The following RAP1GAP variants were observed in gnomAD, a reference collection of about 807,000 sequenced individuals.
RAP1GAP encodes RAP1 GTPase activating protein.
Under a neutral mutation model 87.2 loss-of-function variants are expected in RAP1GAP, and 35 were observed. The ratio of observed to expected loss-of-function variants is 0.40; its 90% CI spans 0.31 to 0.53. The LOEUF (loss-of-function observed/expected upper bound fraction) is 0.53. RAP1GAP is among the 20% of genes least tolerant of loss of function. The probability of loss-of-function intolerance (pLI) is 0.48; values close to 1 mark genes in which losing one functional copy is unlikely to be tolerated. For missense variants in RAP1GAP, 734 were observed against 898.9 expected (o/e 0.82, Z 2.35); for synonymous variants, 375 against 363.9 (o/e 1.03, Z -0.35).
At position 21,622,209 on chromosome 1, in the gene RAP1GAP, G is replaced by A; in HGVS notation, c.-18-2159C>T. On this transcript the variant is annotated intron_variant, in intron 3 of 24. Transcript: ENST00000374765. This position sits in a 1 kb window ranked among gnomAD's most constrained non-coding sequence, Gnocchi z 5.7. ...CCCCGTGGCCAGTGTCAGCCCAGAA[G>A]CTCACACGCCCACCATGACGGAGCC... 1 of 317,582 alleles carries A rather than the reference G, an allele frequency of 3.1e-6. No individual in the cohort carries two copies. The allele number at this position is 317,582 out of a possible 1,614,324, so 19.7% of individuals were successfully genotyped here.
At chr1:21,623,245 G>A (rs975582312) in intron 3 of RAP1GAP, among the ~76,000 whole-genome samples, 13 of 152,208 alleles carry the variant, frequency 8.5e-5, no homozygotes, top group Non-Finnish European at 1.6e-4. Flanking sequence ...GTGGATTCTA[G>A]CTACAACTTG....
chr1:21,610,892 C>T (rs1395622869), intron 13 of RAP1GAP, among the ~76,000 whole-genome samples: 3 of 152,192 alleles, frequency 2.0e-5, no homozygotes, highest in Admixed American at 2.0e-4. Flanking sequence ...TTTTATCCCC[C>T]TGGGCTGGGG....
At chr1:21,659,486 C>T in intron 1 of RAP1GAP, among the ~76,000 whole-genome samples, 1 of 152,126 alleles carries the variant, frequency 6.6e-6, no homozygotes, top group East Asian at 1.9e-4. Flanking sequence ...CGGCGCCAGG[C>T]GCCGCCGCAC....
At chr1:21,646,768 C>T (rs1250332138) in intron 2 of RAP1GAP, among the ~76,000 whole-genome samples, 1 of 152,206 alleles carries the variant, frequency 6.6e-6, no homozygotes, top group Non-Finnish European at 1.5e-5. Flanking sequence ...ATATCTGGGT[C>T]CCTTAGGGCT....
chr1:21,669,275 G>T lies in RAP1GAP; in HGVS notation c.-170C>A. The T allele has an allele frequency of 8.2e-7, 1 of 1,214,960 alleles. No individual in the cohort carries two copies. Among genetic ancestry groups the T allele is most frequent in the Non-Finnish European group, 1.0e-6 (1 of 959,696 alleles). The allele number at this position is 1,214,960 out of a possible 1,614,324, so 75.3% of individuals were successfully genotyped here. Reference sequence around the variant, plus strand: ...TCACCCAAGGGCCTGGGCCGGGGGCGTCCTGGGCTCGGCACTCTGGTGCCC... The same window carrying T: ...TCACCCAAGGGCCTGGGCCGGGGGCTTCCTGGGCTCGGCACTCTGGTGCCC... On this transcript the variant is annotated 5_prime_UTR_variant, in exon 1 of 25. Transcript: ENST00000374765. This position sits in a 1 kb window ranked among gnomAD's most constrained non-coding sequence, Gnocchi z 5.6.
Position 21,613,836 on chromosome 1 carries a change from C to G in RAP1GAP, c.396-130G>C. On this transcript the variant is annotated intron_variant, in intron 8 of 24. Coordinates refer to ENST00000374765, the MANE Select transcript of RAP1GAP (RefSeq NM_002885.4). This position sits in a 1 kb window ranked among gnomAD's most constrained non-coding sequence, Gnocchi z 4.7. ...ACCAGAGGTGATGATGGGTGTCAGG[C>G]TGACTCGGGTACTAACTTGCTGTGC... 8.7e-7 allele frequency: 1 copy of G among 1,154,870 alleles called. No individual in the cohort carries two copies. Among genetic ancestry groups the G allele is most frequent in the Non-Finnish European group, 1.3e-6 (1 of 784,502 alleles). 71.5% of individuals were successfully genotyped at this position (1,154,870 alleles called of 1,614,324 possible).
chr1:21,627,010 C>G, intron 2 of RAP1GAP: 1 of 456,700 alleles, frequency 2.2e-6, no homozygotes, highest in Non-Finnish European at 4.4e-6. Flanking sequence ...CTGCATGAGA[C>G]CTGCCTGAGT....
At chr1:21,663,366 C>T (rs1209804387) in intron 1 of RAP1GAP, among the ~76,000 whole-genome samples, 4 of 152,214 alleles carry the variant, frequency 2.6e-5, no homozygotes, top group South Asian at 2.1e-4. Context: ...CAGCAGTCTG[C>T]CAGCGGGTGG....
chr1:21,643,683 T>C (rs1463532094), intron 2 of RAP1GAP, among the ~76,000 whole-genome samples: 2 of 151,954 alleles, frequency 1.3e-5, no homozygotes, highest in Non-Finnish European at 2.9e-5. Flanking sequence ...GATGAATGAG[T>C]CTTTCCTCTC....
intron 23 of RAP1GAP, 75 bp downstream of exon 23, chr1:21,597,886 C>G: frequency 6.7e-7 from 1 of 1,501,922 alleles, no homozygotes; most frequent in Non-Finnish European, 9.1e-7. Context: ...CGAGCCTCAG[C>G]TCCCAGCCTC....
In RAP1GAP at chr1:21,603,172, A is replaced by G. The variant is rs2070521326; in HGVS notation, c.1429-259T>C. The stretch of plus-strand genomic sequence containing the variant: ...GGCCCAGGATTAGGACAGCATCCTG[A>G]GGGGGCTAGGGTGGGAGGAGGCCGA... On this transcript the variant is annotated intron_variant, in intron 18 of 24. Coordinates refer to ENST00000374765, the MANE Select transcript of RAP1GAP (RefSeq NM_002885.4). This position sits in a 1 kb window ranked among gnomAD's most constrained non-coding sequence, Gnocchi z 6.0. 2.1e-6 allele frequency: 1 copy of G among 477,246 alleles called. No homozygotes were observed. Among genetic ancestry groups the G allele is most frequent in the Admixed American group, 3.7e-5 (1 of 27,338 alleles). The allele number at this position is 477,246 out of a possible 1,614,324, so 29.6% of individuals were successfully genotyped here. A position where few individuals can be genotyped will look rare whatever the true frequency, so the allele number is the denominator to read the frequency against.
intron 3 of RAP1GAP, among the ~76,000 whole-genome samples, chr1:21,621,542 C>T (rs897331147): frequency 1.3e-5 from 2 of 152,228 alleles, no homozygotes; most frequent in African/African-American, 4.8e-5. Context: ...ACACCTTGAC[C>T]CATGGTCACC....
chr1:21,660,353 T>TATATATATATATATATATATAGAGAGA, intron 1 of RAP1GAP, among the ~76,000 whole-genome samples: 2 of 26,818 alleles, frequency 7.5e-5, no homozygotes, highest in African/African-American at 1.1e-4. Context: ...ATATATTTAT[T>TATATATATATATATATATATAGAGAGA]GAGACAGTCT....
chr1:21,608,389 G>C (rs1309917589), intron 16 of RAP1GAP, 39 bp from the exon 17 acceptor site: 6 of 1,595,430 alleles, frequency 3.8e-6, no homozygotes, highest in Non-Finnish European at 1.7e-6. Flanking sequence ...GGACCCCAAG[G>C]ATCAGCCCTT....
chr1:21,620,153 A>G (rs1340787725), intron 3 of RAP1GAP, 103 bp from the exon 4 acceptor site: 3 of 1,218,486 alleles, frequency 2.5e-6, no homozygotes, highest in East Asian at 4.8e-5. Context: ...CTGATCAGTG[A>G]CCGAGGCACC....
chr1:21,598,238 A>C (rs1570366754), intron 22 of RAP1GAP, 162 bp downstream of exon 22: 1 of 770,724 alleles, frequency 1.3e-6, no homozygotes, highest in South Asian at 1.8e-5. Context: ...CCTCCAATCC[A>C]CCCAGCCACC....
intron 2 of RAP1GAP, among the ~76,000 whole-genome samples, chr1:21,645,990 T>C (rs2096016621): frequency 6.6e-6 from 1 of 152,202 alleles, no homozygotes; most frequent in South Asian, 2.1e-4. Flanking sequence ...ACTGTCAGTC[T>C]TGGTTCACCC....
At chr1:21,628,437 A>T in intron 2 of RAP1GAP, among the ~76,000 whole-genome samples, 1 of 137,036 alleles carries the variant, frequency 7.3e-6, no homozygotes, top group Non-Finnish European at 1.6e-5. Flanking sequence ...AAAAAAATAC[A>T]GGCTGGGCGT....
intron 18 of RAP1GAP, among the ~76,000 whole-genome samples, chr1:21,604,943 G>A: frequency 7.7e-6 from 1 of 130,190 alleles, no homozygotes; most frequent in East Asian, 2.4e-4. Flanking sequence ...GTGGATGGGT[G>A]GGTGGATGGA....
Sources: allele counts gnomAD v4.1 joint callset (sites outside exome capture counted in the v4.1 genomes callset), GRCh38; gene constraint gnomAD v4.1.1; non-coding constraint Gnocchi (gnomAD v3.1); transcripts MANE v1.5; gene names NCBI Gene and HGNC (gene_info 2026-07-23, HGNC 2026-07-21).